The following CA10 variants were observed in gnomAD, a reference collection of about 807,000 sequenced individuals.
CA10 encodes carbonic anhydrase 10 (inactive), also known as carbonic anhydrase-related protein 10.
A neutral mutation model predicts 44.2 loss-of-function variants in CA10; 14 were observed. The observed-to-expected ratio is 0.32, with a 90% confidence interval of 0.21 to 0.50. The LOEUF (loss-of-function observed/expected upper bound fraction) is 0.50. Among genes scored for constraint, CA10 ranks in the 20% least tolerant of loss-of-function variants. The pLI is 0.99. For missense variants in CA10, 350 were observed against 409.7 expected, an observed-to-expected ratio of 0.85 and a Z score of 1.26; for synonymous variants, 159 against 141.6, an observed-to-expected ratio of 1.12 and a Z score of -0.87.
intron 2 of CA10, among the ~76,000 whole-genome samples, chr17:51,965,762 G>A (rs1984057552): frequency 6.6e-6 from 1 of 151,812 alleles, no homozygotes; most frequent in East Asian, 1.9e-4. Flanking sequence ...ATACCAAACA[G>A]GCAAAAGCTG....
chr17:51,887,981 C>T lies in CA10; in HGVS notation c.279+43009G>A, dbSNP rs568208320. The stretch of plus-strand genomic sequence containing the variant: ...CAGAGGTTGCAGTAAGCCGAGATTG[C>T]GCCACTGCACTCCAGTCTGGGAGAC... On this transcript the variant is annotated intron_variant, in intron 3 of 8. Transcript: ENST00000451037. Among the ~76,000 whole-genome samples the T allele has an allele frequency of 1.6e-4, 25 of 151,864 alleles. No homozygotes were observed. The East Asian group carries it at 3.3e-3, about 20-fold the overall frequency.
chr17:52,062,631 A>T (rs1302578435), intron 2 of CA10, among the ~76,000 whole-genome samples: 1 of 152,214 alleles, frequency 6.6e-6, no homozygotes, highest in Admixed American at 6.5e-5. Flanking sequence ...GGTGAGGCAC[A>T]AATAACCCCA....
intron 3 of CA10, among the ~76,000 whole-genome samples, chr17:51,909,773 T>C (rs1981713778): frequency 6.6e-6 from 1 of 152,144 alleles, no homozygotes; most frequent in African/African-American, 2.4e-5. Context: ...GTATTCACTC[T>C]TCCGCAATAT....
chr17:51,979,834 G>A (rs1984591801), intron 2 of CA10, among the ~76,000 whole-genome samples: 1 of 152,040 alleles, frequency 6.6e-6, no homozygotes. Context: ...CGCCATCCGC[G>A]ATCCTGCAAA....
chr17:51,642,434 C>T (rs956995992), intron 6 of CA10, among the ~76,000 whole-genome samples: 3 of 152,128 alleles, frequency 2.0e-5, no homozygotes, highest in African/African-American at 7.2e-5. Flanking sequence ...CTGTCCTTGC[C>T]TACACATGCA....
intron 4 of CA10, among the ~76,000 whole-genome samples, chr17:51,705,129 C>G (rs1035737624): frequency 1.3e-5 from 2 of 152,096 alleles, no homozygotes; most frequent in Non-Finnish European, 2.9e-5. Context: ...TTGTATTAAG[C>G]CTTGACTTGC....
chr17:51,909,412 G>A (rs1981699353), intron 3 of CA10, among the ~76,000 whole-genome samples: 2 of 152,086 alleles, frequency 1.3e-5, no homozygotes, highest in African/African-American at 4.8e-5. Flanking sequence ...ACACAAGTCA[G>A]GTGAAATTCA....
intron 3 of CA10, among the ~76,000 whole-genome samples, chr17:51,905,526 CTTTTT>C (rs34606778): frequency 9.0e-5 from 9 of 99,816 alleles, no homozygotes; most frequent in South Asian, 3.3e-4. Context: ...CCTATCAGTC[CTTTTT>C]TTTTTTTTTT....
chr17:52,126,439 G>A (rs1989121762), intron 1 of CA10, among the ~76,000 whole-genome samples: 2 of 152,158 alleles, frequency 1.3e-5, no homozygotes, highest in Non-Finnish European at 2.9e-5. Context: ...ATGAGCAAAT[G>A]TCTGGCTGAC....
intron 2 of CA10, among the ~76,000 whole-genome samples, chr17:51,944,144 T>C (rs1315277980): frequency 1.3e-5 from 2 of 152,200 alleles, no homozygotes; most frequent in Admixed American, 1.3e-4. Flanking sequence ...AGTTCTGTTA[T>C]AGAAAGGGGA....
chr17:52,036,109 A>G (rs558348023), intron 2 of CA10, among the ~76,000 whole-genome samples: 5 of 152,250 alleles, frequency 3.3e-5, no homozygotes, highest in African/African-American at 1.2e-4. Flanking sequence ...TTCCCAGAGG[A>G]TGTTGATGCT....
At chr17:51,986,303 T>C (rs1345210933) in intron 2 of CA10, among the ~76,000 whole-genome samples, 1 of 152,088 alleles carries the variant, frequency 6.6e-6, no homozygotes, top group Non-Finnish European at 1.5e-5. Flanking sequence ...GCAAGCCACA[T>C]GTAAGAGAAT....
At chr17:51,685,494 C>G (rs1161309058) in intron 4 of CA10, among the ~76,000 whole-genome samples, 3 of 152,104 alleles carry the variant, frequency 2.0e-5, no homozygotes, top group African/African-American at 7.2e-5. Flanking sequence ...AATGGCCCTG[C>G]AAGAAGGATT....
intron 3 of CA10, among the ~76,000 whole-genome samples, chr17:51,866,990 T>C (rs1979576128): frequency 6.6e-6 from 1 of 152,164 alleles, no homozygotes; most frequent in Admixed American, 6.5e-5. Flanking sequence ...ACTGAGCTTA[T>C]GGATCCCCGG....
At chr17:51,718,061 TGGG>T (rs1916228640) in intron 4 of CA10, among the ~76,000 whole-genome samples, 1 of 144,312 alleles carries the variant, frequency 6.9e-6, no homozygotes, top group South Asian at 2.3e-4. Context: ...TTTGGGGACT[TGGG>T]GGGAAGAGGA....
chr17:52,030,230 A>C (rs1259370351), intron 2 of CA10, among the ~76,000 whole-genome samples: 1 of 152,238 alleles, frequency 6.6e-6, no homozygotes, highest in Admixed American at 6.5e-5. Context: ...CTTTAAAAAC[A>C]GATTTAAGAG....
chr17:52,042,706 T>G (rs942171467), intron 2 of CA10, among the ~76,000 whole-genome samples: 1 of 152,158 alleles, frequency 6.6e-6, no homozygotes, highest in Non-Finnish European at 1.5e-5. Context: ...CCCCTATGTT[T>G]ACTTCTAGGA....
intron 2 of CA10, among the ~76,000 whole-genome samples, chr17:52,042,803 A>G (rs1231466149): frequency 6.6e-6 from 1 of 151,964 alleles, no homozygotes; most frequent in East Asian, 1.9e-4. Context: ...TAATTCCATT[A>G]TTTTGCATGT....
intron 2 of CA10, among the ~76,000 whole-genome samples, chr17:52,038,011 T>G (rs2069838007): frequency 6.6e-6 from 1 of 152,058 alleles, no homozygotes; most frequent in South Asian, 2.1e-4. Context: ...AACTACTCCC[T>G]CTCTGTTGGT....
Sources: gnomAD v4.1 joint callset for allele counts (sites outside exome capture counted in the v4.1 genomes callset) on GRCh38, gnomAD v4.1.1 for gene constraint, MANE v1.5 for transcripts, NCBI Gene and HGNC (gene_info 2026-07-23, HGNC 2026-07-21) for gene names.